SYNRG: variants seen among roughly 807,000 people sequenced by gnomAD.
SYNRG encodes AP1 gamma subunit binding protein 1.
Under a neutral mutation model 130.9 loss-of-function variants are expected in SYNRG, and 37 were observed. The observed-to-expected ratio is 0.28, with a 90% CI of 0.22 to 0.37. The LOEUF is 0.37. SYNRG is among the 10% of genes least tolerant of loss of function. SYNRG has a pLI of 1.00. For missense variants in SYNRG, 1,338 were observed against 1,588.9 expected, an observed-to-expected ratio of 0.84 and a Z score of 2.68; for synonymous variants, 539 against 568.1, an observed-to-expected ratio of 0.95 and a Z score of 0.73.
intron 3 of SYNRG, among the ~76,000 whole-genome samples, chr17:37,589,023 C>A (rs1407378241): frequency 1.3e-5 from 2 of 152,142 alleles, no homozygotes; most frequent in Admixed American, 6.5e-5. Flanking sequence ...TTAAGAGATA[C>A]TAGTCTTTAA....
At chr17:37,521,143 C>T (rs2054992710) in intron 19 of SYNRG, among the ~76,000 whole-genome samples, 2 of 151,610 alleles carry the variant, frequency 1.3e-5, no homozygotes, top group South Asian at 2.1e-4. Flanking sequence ...AGCGATTCTC[C>T]TGCCTCAGCC....
At chr17:37,607,004 C>T (rs2063805764) in intron 1 of SYNRG, among the ~76,000 whole-genome samples, 1 of 152,074 alleles carries the variant, frequency 6.6e-6, no homozygotes, top group Non-Finnish European at 1.5e-5. Flanking sequence ...TCAGCCTTTA[C>T]ACCATTACTC....
intron 1 of SYNRG, among the ~76,000 whole-genome samples, chr17:37,601,567 C>T (rs2063287070): frequency 6.6e-6 from 1 of 152,200 alleles, no homozygotes; most frequent in Non-Finnish European, 1.5e-5. Flanking sequence ...ACCTTTCCAT[C>T]ATCCCAAACA....
intron 12 of SYNRG, 91 bp from the exon 13 acceptor site, chr17:37,561,348 A>G (rs2059518524): frequency 6.8e-7 from 1 of 1,466,302 alleles, no homozygotes; most frequent in East Asian, 2.3e-5. Flanking sequence ...ACCAAACACT[A>G]TTAACATGTG....
At chr17:37,551,310 G>A (rs1221790135) in intron 14 of SYNRG, among the ~76,000 whole-genome samples, 1 of 152,122 alleles carries the variant, frequency 6.6e-6, no homozygotes, top group African/African-American at 2.4e-5. Flanking sequence ...ATAGCGCATT[G>A]GTCAGACATC....
intron 2 of SYNRG, among the ~76,000 whole-genome samples, chr17:37,599,875 A>G (rs929265793): frequency 2.0e-5 from 3 of 152,352 alleles, no homozygotes; most frequent in Admixed American, 6.5e-5. Flanking sequence ...GCAGTGTAAA[A>G]CAACTAAAGA....
chr17:37,559,170 A>G (rs1405842330), intron 13 of SYNRG, among the ~76,000 whole-genome samples: 3 of 152,190 alleles, frequency 2.0e-5, no homozygotes, highest in Non-Finnish European at 2.9e-5. Flanking sequence ...TGCCTTTTTA[A>G]TTGTACGCTC....
At chr17:37,574,443 G>A (rs2060654441) in intron 8 of SYNRG, among the ~76,000 whole-genome samples, 1 of 152,062 alleles carries the variant, frequency 6.6e-6, no homozygotes, top group African/African-American at 2.4e-5. Flanking sequence ...CACTGCAAAG[G>A]AAACAATCAA....
chr17:37,528,818 T>C (rs182088722), intron 19 of SYNRG, among the ~76,000 whole-genome samples: 44 of 152,332 alleles, frequency 2.9e-4, no homozygotes, highest in African/African-American at 8.4e-4. Context: ...CCTCATGTAG[T>C]GGGCAACTCA....
intron 15 of SYNRG, chr17:37,541,102 A>G: frequency 1.0e-6 from 1 of 985,656 alleles, no homozygotes; most frequent in Non-Finnish European, 1.2e-6. Context: ...CAAGTCTTCC[A>G]TAATGCCCAG....
intron 7 of SYNRG, 121 bp from the exon 8 acceptor site, chr17:37,576,539 A>T (rs1181605049): frequency 3.7e-6 from 3 of 813,690 alleles, no homozygotes; most frequent in Non-Finnish European, 5.6e-6. Context: ...CACCAATACA[A>T]TTAAAATACT....
intron 8 of SYNRG, among the ~76,000 whole-genome samples, chr17:37,575,617 G>A (rs1193029706): frequency 6.6e-6 from 1 of 151,834 alleles, no homozygotes; most frequent in Non-Finnish European, 1.5e-5. Flanking sequence ...AAGGCAGGCA[G>A]ATCACTTGAG....
intron 3 of SYNRG, among the ~76,000 whole-genome samples, chr17:37,594,462 C>CTTTTTTT (rs58155320): frequency 6.4e-5 from 8 of 124,516 alleles, no homozygotes; most frequent in East Asian, 2.4e-4. Context: ...CTTTCTTCTT[C>CTTTTTTT]TTTTTTTTTT....
chr17:37,547,786 A>G (rs1184682320), intron 14 of SYNRG, among the ~76,000 whole-genome samples: 2 of 152,188 alleles, frequency 1.3e-5, no homozygotes, highest in African/African-American at 2.4e-5. Flanking sequence ...TCTAAAAATC[A>G]GCAGGGATTC....
intron 3 of SYNRG, among the ~76,000 whole-genome samples, chr17:37,591,906 T>C (rs1568509614): frequency 6.6e-6 from 1 of 152,162 alleles, no homozygotes; most frequent in Non-Finnish European, 1.5e-5. Flanking sequence ...AATGAACTCT[T>C]AGAGTTATAC....
In SYNRG at chr17:37,536,083, T is replaced by G; in HGVS notation, c.3562A>C (p.Ile1188Leu). ...YRVTKRVELGIKATAVCSEKL... is the reference protein window; with the variant it reads ...YRVTKRVELGLKATAVCSEKL... ...TCACTGCACACTGCAGTGGCTTTTA[T>G]CCCCAGCTCCACACGCTTGGTTACC... The change falls in exon 19 of 22, where the codon ATA becomes CTA. Residue 1188 changes from isoleucine (I) to leucine (L), a missense_variant. Physicochemically the swap from Ile to Leu is conservative, Grantham distance 5. This residue lies in a region of SYNRG where 1,146 missense variants were observed against 1,342.3 expected (regional missense o/e 0.85). Coordinates refer to ENST00000612223, the MANE Select transcript of SYNRG (RefSeq NM_007247.6). 6.2e-7 allele frequency: 1 copy of G among 1,614,016 alleles called. No individual in the cohort carries two copies. The highest frequency in any genetic ancestry group is 8.5e-7 in the Non-Finnish European group (1 of 1,179,984).
chr17:37,558,377 G>A (rs1212570789), intron 13 of SYNRG, among the ~76,000 whole-genome samples: 1 of 152,080 alleles, frequency 6.6e-6, no homozygotes, highest in Admixed American at 6.6e-5. Flanking sequence ...GATAGAATGT[G>A]GTATTGTTCC....
chr17:37,520,399 G>C (rs941697256), intron 20 of SYNRG, 139 bp downstream of exon 20: 1 of 1,072,978 alleles, frequency 9.3e-7, no homozygotes, highest in African/African-American at 1.6e-5. Flanking sequence ...GAATGTGTCT[G>C]CTCCTACCAT....
chr17:37,531,552 G>A (rs2056631431), intron 19 of SYNRG, among the ~76,000 whole-genome samples: 1 of 152,156 alleles, frequency 6.6e-6, no homozygotes, highest in African/African-American at 2.4e-5. Context: ...GAGGTGAATG[G>A]ATTCCTTGAG....
Sources: gnomAD v4.1 joint callset for allele counts (sites outside exome capture counted in the v4.1 genomes callset) on GRCh38, gnomAD v4.1.1 for gene constraint, gnomAD v4.1.1 regional missense constraint, MANE v1.5 for transcripts, NCBI Gene and HGNC (gene_info 2026-07-23, HGNC 2026-07-21) for gene names.